Variants in FSTL4 observed in about 807,000 individuals in gnomAD.
FSTL4 encodes follistatin-related protein 4.
FSTL4 carries 28 observed loss-of-function variants against 78.2 expected under a neutral mutation model. The ratio of observed to expected loss-of-function variants is 0.36; its 90% CI spans 0.27 to 0.49. The LOEUF is 0.49. Ranked by LOEUF, FSTL4 falls within the 20% of genes least tolerant of loss-of-function variation. The pLI, the probability that FSTL4 is intolerant of heterozygous loss-of-function variation, is 0.98. For missense variants in FSTL4, 922 were observed against 1,084.9 expected, an observed-to-expected ratio of 0.85 and a Z score of 2.11; for synonymous variants, 422 against 440.5, an observed-to-expected ratio of 0.96 and a Z score of 0.53.
chr5:133,724,808 G>T, the FSTL4 span, among the ~76,000 whole-genome samples: 12 of 152,040 alleles, frequency 7.9e-5, no homozygotes, highest in Non-Finnish European at 1.5e-4. Context: ...AAGTCATGAC[G>T]ATTTTTCTCC....
the FSTL4 span, among the ~76,000 whole-genome samples, chr5:133,838,151 G>T: frequency 6.6e-6 from 1 of 152,152 alleles, no homozygotes; most frequent in Non-Finnish European, 1.5e-5. Context: ...GCCTCCCAAA[G>T]TGCCTGGATT....
intron 7 of FSTL4, chr5:133,244,526 A>C (rs982820443): frequency 6.6e-6 from 1 of 152,244 alleles, no homozygotes; most frequent in Admixed American, 6.5e-5. Context: ...TCTGGGGAAC[A>C]TGAACGTGAG....
intron 6 of FSTL4, among the ~76,000 whole-genome samples, chr5:133,270,711 T>A (rs1251972888): frequency 6.6e-6 from 1 of 152,176 alleles, no homozygotes; most frequent in Non-Finnish European, 1.5e-5. Context: ...GGTCTGACTC[T>A]TGCATTTCAG....
intron 3 of FSTL4, among the ~76,000 whole-genome samples, chr5:133,445,356 T>C (rs1393829455): frequency 6.6e-6 from 1 of 152,008 alleles, no homozygotes; most frequent in Non-Finnish European, 1.5e-5. Flanking sequence ...CTCCCTCAGA[T>C]CACTGCTGCG....
At chr5:133,810,344 G>A in the FSTL4 span, among the ~76,000 whole-genome samples, 1 of 152,200 alleles carries the variant, frequency 6.6e-6, no homozygotes, top group Non-Finnish European at 1.5e-5. Flanking sequence ...GATGGCTACA[G>A]GATTTGCATT....
chr5:133,352,339 T>C (rs370674719), intron 4 of FSTL4, among the ~76,000 whole-genome samples: 3 of 139,244 alleles, frequency 2.2e-5, no homozygotes, highest in Non-Finnish European at 3.1e-5. Context: ...CACATATATA[T>C]ATACACATAT....
chr5:133,751,980 CTAATGGAAGCTGG>C, the FSTL4 span, among the ~76,000 whole-genome samples: 1 of 152,188 alleles, frequency 6.6e-6, no homozygotes, highest in Non-Finnish European at 1.5e-5. Flanking sequence ...GTCTCTGCTG[CTAATGGAAGCTGG>C]ATGGCAAAGG....
chr5:133,343,523 G>C (rs1486360059), intron 4 of FSTL4, among the ~76,000 whole-genome samples: 1 of 152,182 alleles, frequency 6.6e-6, no homozygotes, highest in Non-Finnish European at 1.5e-5. Context: ...GAGAATCTTA[G>C]GTCTTCCAAA....
the FSTL4 span, among the ~76,000 whole-genome samples, chr5:133,760,138 C>T: frequency 6.6e-6 from 1 of 152,166 alleles, no homozygotes; most frequent in Non-Finnish European, 1.5e-5. Flanking sequence ...TCAGCCCTGT[C>T]GTGACTGTAC....
chr5:133,287,303 G>T (rs1179191575), intron 6 of FSTL4, among the ~76,000 whole-genome samples: 1 of 151,544 alleles, frequency 6.6e-6, no homozygotes, highest in Non-Finnish European at 1.5e-5. Context: ...CAGGAGAATG[G>T]CATGAACCCA....
chr5:133,651,789 T>C, the FSTL4 span, among the ~76,000 whole-genome samples: 1 of 152,196 alleles, frequency 6.6e-6, no homozygotes, highest in Non-Finnish European at 1.5e-5. Flanking sequence ...GGAGTAATGC[T>C]GACCTCATAG....
At chr5:133,683,735 G>A in the FSTL4 span, among the ~76,000 whole-genome samples, 2 of 152,262 alleles carry the variant, frequency 1.3e-5, no homozygotes, top group South Asian at 4.1e-4. Flanking sequence ...CAGAGGCCAC[G>A]TGGGTCAGGA....
chr5:133,318,570 G>A (rs2126894470), intron 4 of FSTL4, among the ~76,000 whole-genome samples: 1 of 152,244 alleles, frequency 6.6e-6, no homozygotes, highest in East Asian at 1.9e-4. Context: ...AGGGTCTGCA[G>A]GAGCCAGCAT....
At chr5:133,214,283 C>A (rs1750836202) in intron 13 of FSTL4, among the ~76,000 whole-genome samples, 1 of 152,186 alleles carries the variant, frequency 6.6e-6, no homozygotes, top group East Asian at 1.9e-4. Flanking sequence ...AGTCATAAAA[C>A]AAGCTTCAAT....
intron 3 of FSTL4, among the ~76,000 whole-genome samples, chr5:133,470,976 A>T (rs1376411231): frequency 6.6e-6 from 1 of 152,056 alleles, no homozygotes; most frequent in African/African-American, 2.4e-5. Context: ...TAAGATTTTT[A>T]GAAAGACAGA....
At chr5:133,643,871 A>G in the FSTL4 span, among the ~76,000 whole-genome samples, 1 of 152,158 alleles carries the variant, frequency 6.6e-6, no homozygotes, top group African/African-American at 2.4e-5. Context: ...GGAAGGTGAG[A>G]GCCTCGCAGC....
chr5:133,539,811 A>G (rs903497252), intron 3 of FSTL4, among the ~76,000 whole-genome samples: 5 of 151,618 alleles, frequency 3.3e-5, no homozygotes, highest in African/African-American at 1.2e-4. Flanking sequence ...TTAAGCTTGT[A>G]TAATTTTTGA....
At chr5:133,477,118 C>T (rs1056445339) in intron 3 of FSTL4, among the ~76,000 whole-genome samples, 1 of 152,028 alleles carries the variant, frequency 6.6e-6, no homozygotes, top group Admixed American at 6.6e-5. Flanking sequence ...AAGATGTTTA[C>T]CTACTATTTA....
the FSTL4 span, among the ~76,000 whole-genome samples, chr5:133,802,586 C>T: frequency 7.2e-5 from 11 of 152,336 alleles, 1 homozygote; most frequent in South Asian, 2.3e-3. Flanking sequence ...CAGCTACACA[C>T]ATGTAAGATG....
Sources: allele counts gnomAD v4.1 joint callset (sites outside exome capture counted in the v4.1 genomes callset), GRCh38; gene constraint gnomAD v4.1.1; transcripts MANE v1.5; gene names NCBI Gene and HGNC (gene_info 2026-07-23, HGNC 2026-07-21).